ROBO1: variants seen among roughly 807,000 people sequenced by gnomAD.
The protein encoded by ROBO1 is roundabout homolog 1.
A neutral mutation model predicts 195.9 loss-of-function variants in ROBO1; 149 were observed. The observed-to-expected ratio is 0.76, with a 90% confidence interval of 0.67 to 0.87. The LOEUF (loss-of-function observed/expected upper bound fraction) is 0.87, where lower values mean the gene tolerates loss of function less well. Ranked by LOEUF, ROBO1 falls within the 40% of genes least tolerant of loss-of-function variation. ROBO1 has a pLI of 0.00. For missense variants in ROBO1, 1,933 were observed against 2,068.3 expected (o/e 0.93, Z 1.27); for synonymous variants, 816 against 733.2 (o/e 1.11, Z -1.82).
In ROBO1 at chr3:78,744,529, C is replaced by T. The variant is rs146351792; in HGVS notation, c.657+2214G>A. Among the ~76,000 whole-genome samples the T allele has an allele frequency of 3.0e-3, 454 of 152,308 alleles. 6 individuals are homozygous for T. Among genetic ancestry groups the T allele is most frequent in the African/African-American group, 0.01 (416 of 41,558 alleles). ...TAAATTCATAGCCTTTTTAAAAAGG[C>T]TACCCCCTGATTGTATCTCCTATAA... On this transcript the variant is annotated intron_variant, in intron 5 of 30. Transcript: ENST00000464233.
At chr3:78,626,153 C>A (rs1441692225) in intron 26 of ROBO1, among the ~76,000 whole-genome samples, 2 of 152,042 alleles carry the variant, frequency 1.3e-5, no homozygotes, top group Non-Finnish European at 2.9e-5. Context: ...AAAAACAATG[C>A]TTAGATATTT....
chr3:79,602,469 A>G (rs539031206), intron 1 of ROBO1, among the ~76,000 whole-genome samples: 2 of 152,052 alleles, frequency 1.3e-5, no homozygotes, highest in Middle Eastern at 3.4e-3. Flanking sequence ...CCAGAAATGG[A>G]GGATTCAATT....
chr3:78,943,249 GT>G (rs2040238850), intron 3 of ROBO1, among the ~76,000 whole-genome samples: 1 of 152,106 alleles, frequency 6.6e-6, no homozygotes, highest in South Asian at 2.1e-4. Context: ...GTTTTGTTTT[GT>G]TTTGTTTTTA....
At chr3:79,731,936 T>G (rs1029889888) in intron 1 of ROBO1, among the ~76,000 whole-genome samples, 2 of 152,120 alleles carry the variant, frequency 1.3e-5, no homozygotes, top group Non-Finnish European at 2.9e-5. Context: ...TCATCATGCA[T>G]CACTTGATTG....
chr3:78,717,429 G>C lies in ROBO1; in HGVS notation c.779-16C>G, dbSNP rs1425034329. 6.2e-7 allele frequency: 1 copy of C among 1,611,538 alleles called. No individual in the cohort carries two copies. The highest frequency in any genetic ancestry group is 8.5e-7 in the Non-Finnish European group (1 of 1,178,130). ...GATGGTCTCTCTAAAATTAAAAAGA[G>C]TCATCTTAAGGTAAAATTTTAAAAT... On this transcript the variant is annotated splice_polypyrimidine_tract_variant and intron_variant, in intron 6 of 30. Coordinates refer to ENST00000464233, the MANE Select transcript of ROBO1 (RefSeq NM_002941.4).
intron 2 of ROBO1, among the ~76,000 whole-genome samples, chr3:79,164,912 T>A (rs1005158054): frequency 1.3e-5 from 2 of 152,204 alleles, no homozygotes; most frequent in Admixed American, 1.3e-4. Flanking sequence ...TCTCAAATAT[T>A]ACCTTGGCAA....
At chr3:79,137,047 T>C (rs1436073211) in intron 2 of ROBO1, among the ~76,000 whole-genome samples, 1 of 152,126 alleles carries the variant, frequency 6.6e-6, no homozygotes, top group East Asian at 1.9e-4. Context: ...GTTACAATCA[T>C]CTCCAATGTT....
At chr3:78,732,827 T>C (rs2082313178) in intron 5 of ROBO1, among the ~76,000 whole-genome samples, 1 of 152,158 alleles carries the variant, frequency 6.6e-6, no homozygotes, top group Non-Finnish European at 1.5e-5. Flanking sequence ...TCCCATACAA[T>C]ATGATGCTCT....
At chr3:78,993,990 T>C (rs1267015011) in intron 3 of ROBO1, among the ~76,000 whole-genome samples, 1 of 147,540 alleles carries the variant, frequency 6.8e-6, no homozygotes, top group Admixed American at 6.8e-5. Context: ...ATACCAGCTT[T>C]AAAAAAAAAA....
intron 2 of ROBO1, among the ~76,000 whole-genome samples, chr3:79,566,102 G>A (rs1415597453): frequency 2.0e-5 from 3 of 152,028 alleles, no homozygotes; most frequent in Admixed American, 1.3e-4. Flanking sequence ...AACCTACAGA[G>A]CACTATTTGG....
intron 5 of ROBO1, among the ~76,000 whole-genome samples, chr3:78,740,126 G>A (rs2082489315): frequency 1.3e-5 from 2 of 152,104 alleles, no homozygotes; most frequent in Non-Finnish European, 2.9e-5. Context: ...CTGGCACACA[G>A]CAAGTGCTAT....
intron 4 of ROBO1, among the ~76,000 whole-genome samples, chr3:78,929,690 G>T (rs2039405792): frequency 6.6e-6 from 1 of 151,540 alleles, no homozygotes; most frequent in African/African-American, 2.4e-5. Flanking sequence ...TTTTTGTAGA[G>T]ACAGGGTTTC....
At chr3:79,491,731 A>C (rs749852540) in intron 2 of ROBO1, among the ~76,000 whole-genome samples, 13 of 152,080 alleles carry the variant, frequency 8.5e-5, no homozygotes, top group Non-Finnish European at 1.8e-4. Flanking sequence ...TGAGGTAGGA[A>C]GACGGGAAGA....
chr3:78,842,201 T>A, intron 4 of ROBO1, among the ~76,000 whole-genome samples: 1 of 105,700 alleles, frequency 9.5e-6, no homozygotes, highest in African/African-American at 3.5e-5. Context: ...ATGAGCCATA[T>A]ATATATTTAT....
At chr3:79,298,599 C>A (rs1448524727) in intron 2 of ROBO1, among the ~76,000 whole-genome samples, 1 of 152,002 alleles carries the variant, frequency 6.6e-6, no homozygotes, top group East Asian at 1.9e-4. Context: ...AAACAGAATG[C>A]CAGATTATCC....
intron 1 of ROBO1, among the ~76,000 whole-genome samples, chr3:79,719,861 G>GA (rs1187121950): frequency 3.9e-5 from 6 of 152,110 alleles, no homozygotes; most frequent in African/African-American, 1.2e-4. Flanking sequence ...ATTTATCTCA[G>GA]AAAAAATAAA....
At chr3:79,720,088 A>T (rs1702638183) in intron 1 of ROBO1, among the ~76,000 whole-genome samples, 1 of 152,234 alleles carries the variant, frequency 6.6e-6, no homozygotes. Flanking sequence ...TAAAAGTGTT[A>T]AGGAAAGTGG....
At chr3:79,060,020 G>T (rs868825313) in intron 3 of ROBO1, among the ~76,000 whole-genome samples, 1 of 152,104 alleles carries the variant, frequency 6.6e-6, no homozygotes. Context: ...CCTCAGCAAG[G>T]AGTAGCCCTG....
intron 8 of ROBO1, among the ~76,000 whole-genome samples, chr3:78,700,777 T>G (rs2107934735): frequency 6.6e-6 from 1 of 151,394 alleles, no homozygotes; most frequent in East Asian, 1.9e-4. Flanking sequence ...TTTTTTTTTT[T>G]TTTGAGATGG....
Sources: allele counts gnomAD v4.1 joint callset (sites outside exome capture counted in the v4.1 genomes callset), GRCh38; gene constraint gnomAD v4.1.1; transcripts MANE v1.5; gene names NCBI Gene and HGNC (gene_info 2026-07-23, HGNC 2026-07-21).